Variants in IGF1 observed in about 807,000 individuals in gnomAD.
IGF1 encodes the protein insulin like growth factor 1, also known as insulin-like growth factor 1.
Under a neutral mutation model 13.8 loss-of-function variants are expected in IGF1, and 4 were observed. The observed-to-expected ratio is 0.29, with a 90% CI of 0.14 to 0.66. The LOEUF is 0.66. Ranked by LOEUF, IGF1 falls within the 30% of genes least tolerant of loss-of-function variation. The pLI is 0.78. For missense variants in IGF1, 124 were observed against 188.5 expected (o/e 0.66, Z 2.00); for synonymous variants, 76 against 72.6 (o/e 1.05, Z -0.23).
intron 2 of IGF1, among the ~76,000 whole-genome samples, chr12:102,428,750 A>G (rs4764885): frequency 0.67 from 101,605 of 152,062 alleles, 34,231 homozygotes; most frequent in Admixed American, 0.74. Flanking sequence ...TGTTGACAAG[A>G]TTGCTTTATT....
intron 2 of IGF1, among the ~76,000 whole-genome samples, chr12:102,447,819 C>T (rs1033286056): frequency 2.0e-5 from 3 of 152,178 alleles, no homozygotes; most frequent in African/African-American, 7.2e-5. Flanking sequence ...CATAAAAACT[C>T]TAGAAGAAAA....
chr12:102,430,209 T>A (rs562117113), intron 2 of IGF1, among the ~76,000 whole-genome samples: 1 of 152,208 alleles, frequency 6.6e-6, no homozygotes. Context: ...ATTTAAACAT[T>A]CCTTTCTGAT....
chr12:102,422,614 G>C lies in IGF1; in HGVS notation c.221-2924C>G, dbSNP rs374417750. 2.2e-3 allele frequency among the ~76,000 whole-genome samples: 340 copies of C among 152,262 alleles called. 4 individuals carry two copies. The highest frequency in any genetic ancestry group is 7.6e-3 in the African/African-American group (316 of 41,564). ...CCACAATAAAGATATTTGCTGCTAT[G>C]GTCTACAGGTAGAGGCCTGATACAA... On this transcript the variant is annotated intron_variant, in intron 2 of 3. Coordinates refer to ENST00000337514, the MANE Select transcript of IGF1 (RefSeq NM_000618.5).
rs572364022 is a variant in IGF1 at position 102,446,572 on chromosome 12, C to T, written c.221-26882G>A. 2.0e-5 allele frequency among the ~76,000 whole-genome samples: 3 copies of T among 152,102 alleles called. No individual in the cohort carries two copies. The East Asian group carries it at 5.8e-4, about 29-fold the overall frequency. On this transcript the variant is annotated intron_variant, in intron 2 of 3. Transcript: ENST00000337514. Reference sequence around the variant, plus strand: ...TTTCTGTGGGATCGGTGGTGATACCCCCTTTATCATTTTTTATTGCATCTA... The same window carrying T: ...TTTCTGTGGGATCGGTGGTGATACCTCCTTTATCATTTTTTATTGCATCTA...
chr12:102,412,406 G>GCACA, intron 3 of IGF1, among the ~76,000 whole-genome samples: 1 of 151,506 alleles, frequency 6.6e-6, no homozygotes, highest in Non-Finnish European at 1.5e-5. Context: ...ACACACACGC[G>GCACA]CACACACACA....
intron 2 of IGF1, among the ~76,000 whole-genome samples, chr12:102,473,921 A>T (rs368252650): frequency 6.6e-6 from 1 of 152,208 alleles, no homozygotes; most frequent in Non-Finnish European, 1.5e-5. Flanking sequence ...TGCACTGTGC[A>T]TGGAAATTCT....
At chr12:102,466,532 A>G (rs1489514395) in intron 2 of IGF1, among the ~76,000 whole-genome samples, 2 of 152,058 alleles carry the variant, frequency 1.3e-5, no homozygotes. Flanking sequence ...CAAAATGTCA[A>G]TAGTGTTGAG....
chr12:102,434,584 A>G (rs1363737674), intron 2 of IGF1, among the ~76,000 whole-genome samples: 1 of 149,682 alleles, frequency 6.7e-6, no homozygotes, highest in Non-Finnish European at 1.5e-5. Context: ...AGTCTTTGCT[A>G]TTGTGAATAA....
intron 2 of IGF1, among the ~76,000 whole-genome samples, chr12:102,431,584 TCATA>T (rs1386488390): frequency 1.3e-5 from 2 of 152,182 alleles, no homozygotes; most frequent in African/African-American, 4.8e-5. Context: ...TTGACCTAAA[TCATA>T]CATCTAGTAA....
intron 2 of IGF1, among the ~76,000 whole-genome samples, chr12:102,434,265 C>T (rs1877013760): frequency 6.8e-6 from 1 of 146,604 alleles, no homozygotes; most frequent in Admixed American, 6.8e-5. Context: ...CGTCATCTAG[C>T]ATTAGGTATA....
chr12:102,461,003 T>C (rs1879853589), intron 2 of IGF1, among the ~76,000 whole-genome samples: 1 of 152,128 alleles, frequency 6.6e-6, no homozygotes, highest in Admixed American at 6.5e-5. Flanking sequence ...CTTGGTTCAT[T>C]TACGTATCAT....
intron 2 of IGF1, among the ~76,000 whole-genome samples, chr12:102,446,514 GGT>G (rs1878343086): frequency 6.6e-6 from 1 of 152,152 alleles, no homozygotes. Context: ...TTTGCATAGA[GGT>G]GTTTATAGTA....
chr12:102,474,775 A>G (rs1421960138), intron 2 of IGF1, among the ~76,000 whole-genome samples: 1 of 152,220 alleles, frequency 6.6e-6, no homozygotes, highest in Non-Finnish European at 1.5e-5. Context: ...TATAATATAC[A>G]GTGAGATAGA....
At chr12:102,421,445 G>A (rs1247650356) in intron 2 of IGF1, among the ~76,000 whole-genome samples, 3 of 152,110 alleles carry the variant, frequency 2.0e-5, no homozygotes, top group Non-Finnish European at 4.4e-5. Context: ...AATCCACAAA[G>A]GACTTCTACG....
At position 102,409,176 on chromosome 12, in the gene IGF1, G is replaced by A. The variant is rs185133971; in HGVS notation, c.403-6610C>T. On this transcript the variant is annotated intron_variant, in intron 3 of 3. Transcript: ENST00000337514. Reference sequence around the variant, plus strand: ...ACCCTCAGTCATTTACCTGGCATGCGGTATAGTTGTATGCAGGAGAGTCTA... The same window carrying A: ...ACCCTCAGTCATTTACCTGGCATGCAGTATAGTTGTATGCAGGAGAGTCTA... Among the ~76,000 whole-genome samples the A allele has an allele frequency of 4.3e-4, 65 of 152,190 alleles. No homozygotes were observed. In the East Asian group the frequency reaches 5.0e-3, roughly 12 times the overall value.
At chr12:102,424,035 T>C (rs962529040) in intron 2 of IGF1, among the ~76,000 whole-genome samples, 1 of 152,180 alleles carries the variant, frequency 6.6e-6, no homozygotes, top group East Asian at 1.9e-4. Context: ...CTTGAGAAAG[T>C]TTTATTTTAA....
intron 2 of IGF1, among the ~76,000 whole-genome samples, chr12:102,468,752 C>T (rs915669232): frequency 3.3e-5 from 5 of 152,178 alleles, no homozygotes; most frequent in South Asian, 2.1e-4. Flanking sequence ...CAGCTCAATG[C>T]GAAAACGATT....
chr12:102,458,190 T>C (rs1009769182), intron 2 of IGF1, among the ~76,000 whole-genome samples: 2 of 152,190 alleles, frequency 1.3e-5, no homozygotes, highest in Non-Finnish European at 2.9e-5. Context: ...ATTGACACTT[T>C]TGAATGCAGC....
chr12:102,479,565 C>T (rs1449568624), intron 1 of IGF1, among the ~76,000 whole-genome samples: 1 of 152,166 alleles, frequency 6.6e-6, no homozygotes, highest in Non-Finnish European at 1.5e-5. Flanking sequence ...AGTTTTATAA[C>T]ACAGAACCCC....
Sources: gnomAD v4.1 joint callset for allele counts (sites outside exome capture counted in the v4.1 genomes callset) on GRCh38, gnomAD v4.1.1 for gene constraint, MANE v1.5 for transcripts, NCBI Gene and HGNC (gene_info 2026-07-23, HGNC 2026-07-21) for gene names.